Variants in TBC1D31 observed in about 807,000 individuals in gnomAD.
The protein encoded by TBC1D31 is WD repeat domain 67.
A neutral mutation model predicts 132.9 loss-of-function variants in TBC1D31; 99 were observed. The ratio of observed to expected loss-of-function variants is 0.74; its 90% CI spans 0.63 to 0.88. TBC1D31 has a LOEUF of 0.88. TBC1D31 is among the 40% of genes least tolerant of loss of function. The probability of loss-of-function intolerance (pLI) is 0.00; values close to 1 mark genes in which losing one functional copy is unlikely to be tolerated. For synonymous variants in TBC1D31, 385 were observed against 419.4 expected (o/e 0.92, Z 1.00); for missense variants, 1,134 against 1,256.6 (o/e 0.90, Z 1.48).
chr8:123,156,372 C>T (rs1713734), downstream of TBC1D31, among the ~76,000 whole-genome samples: 92,908 of 148,648 alleles, frequency 0.63, 29,175 homozygotes, highest in East Asian at 0.76. Flanking sequence ...ACCTGGGAGG[C>T]GGAGGTTGCA....
chr8:123,130,628 T>C (rs1323824583), intron 16 of TBC1D31, among the ~76,000 whole-genome samples: 2 of 150,594 alleles, frequency 1.3e-5, no homozygotes, highest in African/African-American at 2.4e-5. Context: ...CTTTTCTTTT[T>C]TTTTTTTTTT....
At chr8:123,080,529 C>T (rs371882031) in intron 2 of TBC1D31, among the ~76,000 whole-genome samples, 2 of 76,300 alleles carry the variant, frequency 2.6e-5, no homozygotes, top group African/African-American at 5.5e-5. Flanking sequence ...TTCTTTTATT[C>T]TTTTTTTTTT....
chr8:123,130,664 C>G (rs1820535570), intron 16 of TBC1D31, among the ~76,000 whole-genome samples: 1 of 150,374 alleles, frequency 6.7e-6, no homozygotes, highest in African/African-American at 2.5e-5. Context: ...CTCTGTTGCC[C>G]AGGCTGGAGT....
chr8:123,141,789 A>G (rs11995304), intron 18 of TBC1D31, among the ~76,000 whole-genome samples: 2,074 of 143,840 alleles, frequency 0.014, 42 homozygotes, highest in African/African-American at 0.051. Flanking sequence ...TCCCACCCAT[A>G]CCCTAGCCGA....
At position 123,105,466 on chromosome 8, in the gene TBC1D31, TAAG is replaced by T; in HGVS notation, c.1209+5_1209+7del. Reference sequence around the variant, plus strand: ...ACTGGTGATTTTGAAAGTAAAAAGGTAAGAATATTTGGTAATTAAACTTTGTCA... The same window carrying T: ...ACTGGTGATTTTGAAAGTAAAAAGGTAATATTTGGTAATTAAACTTTGTCA... On this transcript the variant is annotated splice_donor_5th_base_variant and intron_variant, in intron 8 of 21. Transcript: ENST00000287380. 1 of 1,605,748 alleles carries T rather than the reference TAAG, an allele frequency of 6.2e-7. No homozygotes were observed. Among genetic ancestry groups the T allele is most frequent in the Non-Finnish European group, 8.5e-7 (1 of 1,176,562 alleles).
chr8:123,138,719 AG>A (rs1821330315), intron 17 of TBC1D31, among the ~76,000 whole-genome samples: 1 of 152,178 alleles, frequency 6.6e-6, no homozygotes, highest in Admixed American at 6.5e-5. Flanking sequence ...TAGCATGTTA[AG>A]CATCTTTTCA....
At chr8:123,127,127 G>C (rs745544708) in intron 13 of TBC1D31, among the ~76,000 whole-genome samples, 7 of 152,052 alleles carry the variant, frequency 4.6e-5, no homozygotes, top group Non-Finnish European at 8.8e-5. Flanking sequence ...GAATATAAAG[G>C]ATAACAAGTT....
chr8:123,149,193 C>T (rs1418049401), intron 20 of TBC1D31, among the ~76,000 whole-genome samples: 1 of 152,070 alleles, frequency 6.6e-6, no homozygotes, highest in Non-Finnish European at 1.5e-5. Context: ...CGCCATGTCC[C>T]GCCCTTCAGA....
At chr8:123,128,226 C>A in intron 13 of TBC1D31, 55 bp from the exon 14 acceptor site, 1 of 871,874 alleles carries the variant, frequency 1.1e-6, no homozygotes, top group Non-Finnish European at 1.9e-6. Flanking sequence ...TTTAATTCTA[C>A]CTCATAATTG....
chr8:123,124,301 T>C (rs1209483815), intron 11 of TBC1D31, among the ~76,000 whole-genome samples: 2 of 152,098 alleles, frequency 1.3e-5, no homozygotes, highest in African/African-American at 2.4e-5. Context: ...GACACTAGAG[T>C]CTCTTTTATG....
chr8:123,099,716 T>A (rs1010678168), intron 6 of TBC1D31, among the ~76,000 whole-genome samples: 6 of 152,178 alleles, frequency 3.9e-5, no homozygotes, highest in African/African-American at 1.4e-4. Context: ...AGGCAAAAGT[T>A]GGGAACTGTC....
At chr8:123,079,036 A>G (rs184935826) in intron 2 of TBC1D31, among the ~76,000 whole-genome samples, 81 of 152,340 alleles carry the variant, frequency 5.3e-4, no homozygotes, top group Non-Finnish European at 8.8e-4. Flanking sequence ...CCCAAGATAT[A>G]TAACCTGAAT....
chr8:123,074,894 C>G (rs1814333066), intron 1 of TBC1D31: 1 of 152,192 alleles, frequency 6.6e-6, no homozygotes, highest in Non-Finnish European at 1.5e-5. Context: ...TGATATTCTT[C>G]TTGTGTTTGA....
chr8:123,165,121 C>G, the TBC1D31 span, among the ~76,000 whole-genome samples: 1 of 152,220 alleles, frequency 6.6e-6, no homozygotes, highest in African/African-American at 2.4e-5. Context: ...CTGTCAACAC[C>G]TTCAACCTAG....
At chr8:123,149,792 T>G (rs1225287366) in intron 20 of TBC1D31, among the ~76,000 whole-genome samples, 1 of 152,260 alleles carries the variant, frequency 6.6e-6, no homozygotes, top group African/African-American at 2.4e-5. Flanking sequence ...TTTTTGAGTT[T>G]GTTGGCTTTT....
intron 17 of TBC1D31, among the ~76,000 whole-genome samples, chr8:123,139,794 AT>A (rs1821452580): frequency 6.6e-6 from 1 of 152,034 alleles, no homozygotes; most frequent in African/African-American, 2.4e-5. Flanking sequence ...TACTTAGCCT[AT>A]TGGTTGCTCT....
intron 18 of TBC1D31, among the ~76,000 whole-genome samples, chr8:123,141,453 T>C (rs1005193842): frequency 1.3e-4 from 20 of 151,020 alleles, no homozygotes; most frequent in African/African-American, 4.7e-4. Context: ...TAAGAGAATT[T>C]CCAAGATGTA....
chr8:123,146,196 A>G (rs1822196093), intron 20 of TBC1D31, among the ~76,000 whole-genome samples: 1 of 152,206 alleles, frequency 6.6e-6, no homozygotes, highest in South Asian at 2.1e-4. Flanking sequence ...AAAGTGTATT[A>G]TTCAATGTCA....
In TBC1D31 at chr8:123,101,021, A is replaced by C; in HGVS notation, c.1032+14A>C. 10 of 1,556,898 alleles carry C rather than the reference A, an allele frequency of 6.4e-6. No individual in the cohort carries two copies. Among genetic ancestry groups the C allele is most frequent in the Non-Finnish European group, 8.9e-6 (10 of 1,128,530 alleles). ...GAAATAAATAAGGTATGTATGATGA[A>C]GTAATCAACATCAGCTTTTTATAAA... On this transcript the variant is annotated intron_variant, in intron 7 of 21. Coordinates refer to ENST00000287380, the MANE Select transcript of TBC1D31 (RefSeq NM_145647.4).
Sources: allele counts gnomAD v4.1 joint callset (sites outside exome capture counted in the v4.1 genomes callset), GRCh38; gene constraint gnomAD v4.1.1; transcripts MANE v1.5; gene names NCBI Gene and HGNC (gene_info 2026-07-23, HGNC 2026-07-21).